Variants in GTF3C5 observed in about 807,000 individuals in gnomAD.
GTF3C5 encodes the protein general transcription factor IIIC subunit 5, also known as general transcription factor 3C polypeptide 5.
Under a neutral mutation model 61.0 loss-of-function variants are expected in GTF3C5, and 47 were observed. The ratio of observed to expected loss-of-function variants is 0.77; its 90% CI spans 0.61 to 0.98. The LOEUF (loss-of-function observed/expected upper bound fraction) is 0.98, where lower values mean the gene tolerates loss of function less well. Among genes scored for constraint, GTF3C5 ranks in the 50% least tolerant of loss-of-function variants. GTF3C5 has a pLI of 0.00. For missense variants in GTF3C5, 659 were observed against 703.3 expected, an observed-to-expected ratio of 0.94 and a Z score of 0.71; for synonymous variants, 295 against 275.4, an observed-to-expected ratio of 1.07 and a Z score of -0.71.
In GTF3C5 at chr9:133,044,308, A is replaced by T. The variant is rs182881579; in HGVS notation, c.572+382A>T. The T allele has an allele frequency of 1.5e-3, 330 of 220,816 alleles. 1 individual carries two copies. The highest frequency in any genetic ancestry group is 7.0e-3 in the African/African-American group (303 of 43,194). The allele number at this position is 220,816 out of a possible 1,614,324, so 13.7% of individuals were successfully genotyped here. A position where few individuals can be genotyped will look rare whatever the true frequency, so the allele number is the denominator to read the frequency against. On this transcript the variant is annotated intron_variant, in intron 3 of 10. Transcript: ENST00000372097. ...CCTGTGTGATCGCCAGGTTGGCCTC[A>T]GTCCTGAGGACAGTGCAAAGAACGT...
At chr9:133,054,160 C>G (rs572490415) in intron 6 of GTF3C5, among the ~76,000 whole-genome samples, 8 of 152,338 alleles carry the variant, frequency 5.3e-5, no homozygotes, top group African/African-American at 1.9e-4. Context: ...ACCACAGTCC[C>G]TCATTAAGTG....
intron 1 of GTF3C5, among the ~76,000 whole-genome samples, chr9:133,036,077 G>A (rs1849852666): frequency 6.6e-6 from 1 of 152,178 alleles, no homozygotes; most frequent in East Asian, 1.9e-4. Context: ...CTTCCCCATA[G>A]ACTACTGAAT....
chr9:133,050,788 G>A lies in GTF3C5; in HGVS notation c.578G>A (p.Gly193Asp). The A allele has an allele frequency of 6.2e-7, 1 of 1,612,564 alleles. No homozygotes were observed. The highest frequency in any genetic ancestry group is 8.5e-7 in the Non-Finnish European group (1 of 1,179,034). ...CCTGTACTCTCTGCCCCCAGGGAAG[G>A]CTACAACAATCCCCCCATCTCAGGT... ...FYRPETQHRE[G>D]YNNPPISGEN... Residue 193 changes from glycine to aspartate, a missense_variant, in exon 4 of 11, where the codon GGC becomes GAC. Transcript: ENST00000372097.
intron 3 of GTF3C5, among the ~76,000 whole-genome samples, chr9:133,048,407 G>T (rs1216179481): frequency 6.6e-6 from 1 of 152,176 alleles, no homozygotes. Context: ...TGAGGCAGGA[G>T]AATGGCGTGA....
chr9:133,048,646 G>A (rs1318531701), intron 3 of GTF3C5, among the ~76,000 whole-genome samples: 1 of 152,182 alleles, frequency 6.6e-6, no homozygotes, highest in Non-Finnish European at 1.5e-5. Context: ...TCCAGCCTGG[G>A]CAACAAGAGT....
In GTF3C5 at chr9:133,056,024, A is replaced by G. The variant is rs140832971; in HGVS notation, c.1180A>G (p.Ile394Val). The change falls in exon 9 of 11, where the codon ATC becomes GTC. Residue 394 changes from isoleucine (I) to valine (V), a missense_variant. Ile to Val is a conservative substitution (Grantham distance 29). Transcript: ENST00000372097. Reference sequence around the variant, plus strand: ...CCTTTGTCACCAGGACTCTGTCTACATCTTCCGGGAAGGGGCCTTGCCACC... The same window carrying G: ...CCTTTGTCACCAGGACTCTGTCTACGTCTTCCGGGAAGGGGCCTTGCCACC... ...SKYKLKDSVY[I>V]FREGALPPYR... 5 of 1,614,066 alleles carry G rather than the reference A, an allele frequency of 3.1e-6. No homozygotes were observed. The highest frequency in any genetic ancestry group is 4.2e-6 in the Non-Finnish European group (5 of 1,179,972).
intron 5 of GTF3C5, 49 bp from the exon 6 acceptor site, chr9:133,053,779 G>A (rs1473955802): frequency 1.6e-6 from 2 of 1,243,710 alleles, no homozygotes; most frequent in East Asian, 2.3e-5. Context: ...CCCGTCCAGG[G>A]ACCTGGGCCT....
intron 3 of GTF3C5, among the ~76,000 whole-genome samples, chr9:133,046,555 A>G (rs1189843637): frequency 6.6e-6 from 1 of 152,112 alleles, no homozygotes; most frequent in Non-Finnish European, 1.5e-5. Context: ...ATTCCTCATT[A>G]TGTGTTTCCT....
chr9:133,054,579 G>T, intron 7 of GTF3C5, 91 bp downstream of exon 7: 2 of 1,417,038 alleles, frequency 1.4e-6, no homozygotes, highest in South Asian at 1.2e-5. Context: ...GTTCCTGGGG[G>T]TCACTCCAGG....
chr9:133,043,751 G>A lies in GTF3C5; in HGVS notation c.397G>A (p.Ala133Thr). 6.2e-7 allele frequency: 1 copy of A among 1,614,114 alleles called. No individual in the cohort carries two copies. Among genetic ancestry groups the A allele is most frequent in the Non-Finnish European group, 8.5e-7 (1 of 1,179,998 alleles). ...FQGMSDFQYL[A>T]VHTEAGGKHT... is the part of the protein sequence containing the mutation. ...AGGGATGTCTGACTTCCAGTACTTG[G>A]CTGTGCATACGGAAGCAGGCGGCAA... is the stretch of plus-strand genomic sequence containing the variant. Residue 133 changes from alanine (A) to threonine (T), a missense_variant, in exon 3 of 11, where the codon GCT (alanine) becomes ACT (threonine). By Grantham distance (58) the Ala-to-Thr change is moderately conservative. Coordinates refer to ENST00000372097, the MANE Select transcript of GTF3C5 (RefSeq NM_012087.4).
chr9:133,051,114 T>TC, intron 4 of GTF3C5, 136 bp downstream of exon 4: 1 of 602,910 alleles, frequency 1.7e-6, no homozygotes, highest in Non-Finnish European at 2.8e-6. Context: ...CATGGGAACT[T>TC]CTCACCTTCA....
At chr9:133,053,802 A>C (rs1290887971) in intron 5 of GTF3C5, 26 bp from the exon 6 acceptor site, 1 of 1,488,236 alleles carries the variant, frequency 6.7e-7, no homozygotes, top group East Asian at 2.3e-5. Context: ...ACCTCACCTC[A>C]CATTTTCCCC....
chr9:133,032,346 G>A (rs1281968088), intron 1 of GTF3C5, among the ~76,000 whole-genome samples: 1 of 152,176 alleles, frequency 6.6e-6, no homozygotes. Context: ...ATAGAACAGG[G>A]GTGTGGGTTA....
chr9:133,044,251 T>G (rs1850135730), intron 3 of GTF3C5: 3 of 344,960 alleles, frequency 8.7e-6, no homozygotes, highest in Non-Finnish European at 1.6e-5. Flanking sequence ...AGCACAGGGC[T>G]GAGTACAGAA....
At chr9:133,037,785 T>C (rs1266362856) in intron 1 of GTF3C5, among the ~76,000 whole-genome samples, 1 of 152,136 alleles carries the variant, frequency 6.6e-6, no homozygotes, top group African/African-American at 2.4e-5. Context: ...TCCTTCTCCC[T>C]TTACCCCTGA....
chr9:133,051,207 T>C (rs1850362846), intron 4 of GTF3C5, among the ~76,000 whole-genome samples: 1 of 152,246 alleles, frequency 6.6e-6, no homozygotes, highest in African/African-American at 2.4e-5. Context: ...AAGAAAAATA[T>C]GCGTGCGTTG....
Position 133,043,741 on chromosome 9 carries a change from C to T in GTF3C5, c.387C>T (p.Phe129=). The T allele has an allele frequency of 2.5e-6, 4 of 1,614,032 alleles. No individual in the cohort carries two copies. Among genetic ancestry groups the T allele is most frequent in the Non-Finnish European group, 3.4e-6 (4 of 1,179,914 alleles). Residue 129 remains phenylalanine, a synonymous_variant, in exon 3 of 11, where the codon TTC becomes TTT. Transcript: ENST00000372097. ...TIYKFQGMSD[F]QYLAVHTEAG... ...CTCTCTTTCTAGGGATGTCTGACTT[C>T]CAGTACTTGGCTGTGCATACGGAAG... is the stretch of plus-strand genomic sequence containing the variant.
intron 5 of GTF3C5, among the ~76,000 whole-genome samples, chr9:133,052,414 G>GC (rs1179619761): frequency 8.6e-6 from 1 of 115,990 alleles, no homozygotes; most frequent in Non-Finnish European, 1.7e-5. Flanking sequence ...CCCTGTCCTG[G>GC]CCCCCCGATC....
rs771005254 is a variant in GTF3C5 at position 133,042,057 on chromosome 9, T to G, written c.154-30T>G. Reference sequence around the variant, plus strand: ...CACTGGCTGCTTGGCTTGTCATTGCTTCACTCTGTCTCCTTTGGCCTTGCC... The same window carrying G: ...CACTGGCTGCTTGGCTTGTCATTGCGTCACTCTGTCTCCTTTGGCCTTGCC... On this transcript the variant is annotated intron_variant, in intron 1 of 10. Transcript: ENST00000372097. 2.0e-6 allele frequency: 3 copies of G among 1,529,190 alleles called. No homozygotes were observed. The African/African-American group carries it at 4.1e-5, about 21-fold the overall frequency. 94.7% of individuals were successfully genotyped at this position (1,529,190 alleles called of 1,614,324 possible).
Sources: gnomAD v4.1 joint callset for allele counts (sites outside exome capture counted in the v4.1 genomes callset) on GRCh38, gnomAD v4.1.1 for gene constraint, MANE v1.5 for transcripts, NCBI Gene and HGNC (gene_info 2026-07-23, HGNC 2026-07-21) for gene names.